LPCAT4: variants seen among roughly 807,000 people sequenced by gnomAD.
The protein encoded by LPCAT4 is lysophosphatidylcholine acyltransferase 4.
In LPCAT4, 30 loss-of-function variants were observed where a neutral mutation model predicts 66.5. The ratio of observed to expected loss-of-function variants is 0.45; its 90% CI spans 0.34 to 0.61. The LOEUF is 0.61. Ranked by LOEUF, LPCAT4 falls within the 20% of genes least tolerant of loss-of-function variation. The pLI is 0.01. For synonymous variants in LPCAT4, 253 were observed against 262.1 expected, an observed-to-expected ratio of 0.97 and a Z score of 0.34; for missense variants, 557 against 656.7, an observed-to-expected ratio of 0.85 and a Z score of 1.66.
At position 34,365,142 on chromosome 15, in the gene LPCAT4, C is replaced by G. The variant is rs754558729; in HGVS notation, c.344G>C (p.Arg115Pro). 1 of 1,614,042 alleles carries G rather than the reference C, an allele frequency of 6.2e-7. No homozygotes were observed. Among genetic ancestry groups the G allele is most frequent in the Admixed American group, 1.7e-5 (1 of 60,006 alleles). ...GFLRIRVRGQ[R>P]ASRLQAPVLV... ...GACAGGGGCTTGAAGGCGAGAGGCT[C>G]GCTGGCCACGAACGCGAATCCGGAG... The change falls in exon 3 of 14, where the codon CGA becomes CCA. Residue 115 changes from arginine to proline, a missense_variant. Coordinates refer to ENST00000314891, the MANE Select transcript of LPCAT4 (RefSeq NM_153613.3).
intron 7 of LPCAT4, 55 bp from the exon 8 acceptor site, chr15:34,362,891 T>C (rs2339434): frequency 0.7 from 1,100,768 of 1,578,608 alleles, 386,874 homozygotes; most frequent in African/African-American, 0.87. Context: ...GCTCCTTCCC[T>C]GGCTCCCACA....
intron 10 of LPCAT4, 81 bp downstream of exon 10, chr15:34,362,115 C>G: frequency 3.3e-6 from 5 of 1,517,062 alleles, no homozygotes; most frequent in African/African-American, 1.4e-5. Flanking sequence ...TTTCCTTCTT[C>G]CTTCTCATTT....
At chr15:34,366,524 G>A (rs1391182572) in intron 1 of LPCAT4, among the ~76,000 whole-genome samples, 2 of 152,050 alleles carry the variant, frequency 1.3e-5, no homozygotes, top group African/African-American at 4.8e-5. Flanking sequence ...GGAGTGGGAA[G>A]AGGGAGTGTA....
At chr15:34,361,238 A>G (rs1414780120) in intron 11 of LPCAT4, 162 bp downstream of exon 11, 1 of 1,495,520 alleles carries the variant, frequency 6.7e-7, no homozygotes, top group Admixed American at 2.3e-5. Context: ...GCCTGATTAA[A>G]AAATGAATCT....
chr15:34,365,280 C>G (rs762240926), intron 2 of LPCAT4, 52 bp from the exon 3 acceptor site: 1 of 1,532,080 alleles, frequency 6.5e-7, no homozygotes, highest in African/African-American at 1.4e-5. Context: ...AACCCTCACC[C>G]GCCCCCAGGT....
rs779805245 is a variant in LPCAT4, at chr15:34,359,251, C to A, written c.1451G>T (p.Ser484Ile). 1.9e-6 allele frequency: 3 copies of A among 1,562,168 alleles called. No individual in the cohort carries two copies. Among genetic ancestry groups the A allele is most frequent in the African/African-American group, 2.7e-5 (2 of 73,772 alleles). ...GGTGTGTGGGGGGCGCAGGTAGGTG[C>A]TGAAGAGTTTCCCATAGAGTGGGTC... ...LHDPLYGKLFSTYLRPPHTSR... is the reference protein window; with the variant it reads ...LHDPLYGKLFITYLRPPHTSR... The change falls in exon 14 of 14, where the codon AGC becomes ATC. Residue 484 changes from serine (S) to isoleucine (I), a missense_variant. Around this residue, in one of 4 missense-constraint regions of LPCAT4, gnomAD observed 392 missense variants for 473.9 expected, o/e 0.83. Coordinates refer to ENST00000314891, the MANE Select transcript of LPCAT4 (RefSeq NM_153613.3).
chr15:34,367,125 C>G lies in LPCAT4; in HGVS notation c.-25G>C. On this transcript the variant is annotated 5_prime_UTR_variant, in exon 1 of 14. Transcript: ENST00000314891. ...TGGCGGGAGAAGGTGGGAGGGAGGG[C>G]ACCCCGGCCCTGGCCCCGGCCACCA... 1 of 1,515,408 alleles carries G rather than the reference C, an allele frequency of 6.6e-7. No homozygotes were observed. The allele number at this position is 1,515,408 out of a possible 1,614,324, so 93.9% of individuals were successfully genotyped here. A position where few individuals can be genotyped will look rare whatever the true frequency, so the allele number is the denominator to read the frequency against.
intron 9 of LPCAT4, 91 bp downstream of exon 9, chr15:34,362,482 G>T (rs948602769): frequency 2.1e-6 from 3 of 1,415,200 alleles, no homozygotes; most frequent in Non-Finnish European, 2.9e-6. Context: ...CCTGCTCCTC[G>T]ATCTTTGCCT....
Position 34,363,576 on chromosome 15 carries a change from A to G in LPCAT4, c.711+85T>C. The G allele has an allele frequency of 6.2e-7, 1 of 1,600,228 alleles. No individual in the cohort carries two copies. The highest frequency in any genetic ancestry group is 8.6e-7 in the Non-Finnish European group (1 of 1,167,574). ...GGTCACAGCCCCCAATGCACATCCCATTAAAGCACCAACAGTTTTCACTTA... is the reference window on the plus strand; with the variant it reads ...GGTCACAGCCCCCAATGCACATCCCGTTAAAGCACCAACAGTTTTCACTTA... On this transcript the variant is annotated intron_variant, in intron 6 of 13. Coordinates refer to ENST00000314891, the MANE Select transcript of LPCAT4 (RefSeq NM_153613.3). The surrounding 1 kb of genome is among the most constrained non-coding windows in gnomAD (Gnocchi z 4.3).
At position 34,361,385 on chromosome 15, in the gene LPCAT4, T is replaced by C; in HGVS notation, c.1143+15A>G. 3 of 1,614,144 alleles carry C rather than the reference T, an allele frequency of 1.9e-6. No individual in the cohort carries two copies. The South Asian group carries it at 3.3e-5, about 18-fold the overall frequency. On this transcript the variant is annotated intron_variant, in intron 11 of 13. Transcript: ENST00000314891. ...AGCCTGGGTTCTGCTCTGCTCTTTG[T>C]TCCAGCTCCTTTACCTGCTGGAAGT... is the stretch of plus-strand genomic sequence containing the variant.
In LPCAT4 at chr15:34,365,620, A is replaced by G. The variant is rs750569249; in HGVS notation, c.196T>C (p.Trp66Arg). The G allele has an allele frequency of 3.3e-5, 54 of 1,614,242 alleles. No individual in the cohort carries two copies. In the Middle Eastern group the frequency reaches 1.8e-3, roughly 54 times the overall value. Residue 66 changes from tryptophan (W) to arginine (R), a missense_variant, in exon 2 of 14, where the codon TGG (tryptophan) becomes CGG (arginine). Physicochemically the swap from Trp to Arg is moderately radical, Grantham distance 101. Coordinates refer to ENST00000314891, the MANE Select transcript of LPCAT4 (RefSeq NM_153613.3). Reference sequence around the variant, plus strand: ...TCACTAAGACCGGCCACTTGAAGCCAGGCAAAGGGCCAGAGGAGAAAGAGG... The same window carrying G: ...TCACTAAGACCGGCCACTTGAAGCCGGGCAAAGGGCCAGAGGAGAAAGAGG... Reference protein sequence around the residue: ...IVLFLLWPFAWLQVAGLSEEQ... With the variant: ...IVLFLLWPFARLQVAGLSEEQ...
At position 34,359,722 on chromosome 15, in the gene LPCAT4, C is replaced by T. The variant is rs775933812; in HGVS notation, c.1266G>A (p.Glu422=). The T allele has an allele frequency of 6.2e-7, 1 of 1,613,274 alleles. No individual in the cohort carries two copies. The highest frequency in any genetic ancestry group is 8.5e-7 in the Non-Finnish European group (1 of 1,179,838). The change falls in exon 13 of 14, where the codon GAG becomes GAA. Residue 422 remains glutamate, a synonymous_variant. Coordinates refer to ENST00000314891, the MANE Select transcript of LPCAT4 (RefSeq NM_153613.3). The stretch of plus-strand genomic sequence containing the variant: ...CTTTGTACAGCAGGCGGTTGGGACC[C>T]TCTGCTTGCTCTTCAGCAAAGAGCT... ...AFELFAEEQA[E]GPNRLLYKDG... is the part of the protein sequence containing the mutation.
At chr15:34,362,130 C>G in intron 10 of LPCAT4, 66 bp downstream of exon 10, 1 of 1,384,254 alleles carries the variant, frequency 7.2e-7, no homozygotes, top group Admixed American at 2.0e-5. Flanking sequence ...TCATTTCTCC[C>G]CTTCTTATTC....
Position 34,363,320 on chromosome 15 carries a change from T to A in LPCAT4, c.746+102A>T, listed in dbSNP as rs1371088499. ...CTCTAGAGTTCTCTCAGTCCTCAGA[T>A]GAAGAAGGGCCATTCACCTTGTCGG... On this transcript the variant is annotated intron_variant, in intron 7 of 13. Transcript: ENST00000314891. The surrounding 1 kb of genome is among the most constrained non-coding windows in gnomAD (Gnocchi z 4.3). 7.9e-7 allele frequency: 1 copy of A among 1,266,910 alleles called. No individual in the cohort carries two copies. 78.5% of individuals were successfully genotyped at this position (1,266,910 alleles called of 1,614,324 possible).
At chr15:34,359,546 G>A in intron 13 of LPCAT4, 43 bp downstream of exon 13, 1 of 1,593,578 alleles carries the variant, frequency 6.3e-7, no homozygotes, top group South Asian at 1.1e-5. Context: ...GATGCTGATG[G>A]TGCCCCAAGT....
In LPCAT4 at chr15:34,365,133, CGA is replaced by C; in HGVS notation, c.351_352del (p.Arg118ProfsTer16). On this transcript the variant is annotated frameshift_variant, in exon 3 of 14. Coordinates refer to ENST00000314891, the MANE Select transcript of LPCAT4 (RefSeq NM_153613.3). LOFTEE classifies it high-confidence loss of function. ...AGCAACAAGGACAGGGGCTTGAAGG[CGA>C]GAGGCTCGCTGGCCACGAACGCGAA... 6.2e-7 allele frequency: 1 copy of C among 1,614,184 alleles called. No homozygotes were observed. Among genetic ancestry groups the C allele is most frequent in the Non-Finnish European group, 8.5e-7 (1 of 1,180,036 alleles).
Position 34,363,341 on chromosome 15 carries a change from G to C in LPCAT4, c.746+81C>G. ...CAGATGAAGAAGGGCCATTCACCTT[G>C]TCGGGAGATTGGAAGATGGGCCAGG... On this transcript the variant is annotated intron_variant, in intron 7 of 13. Coordinates refer to ENST00000314891, the MANE Select transcript of LPCAT4 (RefSeq NM_153613.3). The surrounding 1 kb of genome is among the most constrained non-coding windows in gnomAD (Gnocchi z 4.3). The C allele has an allele frequency of 6.8e-7, 1 of 1,466,720 alleles. No homozygotes were observed. Among genetic ancestry groups the C allele is most frequent in the Non-Finnish European group, 9.4e-7 (1 of 1,063,740 alleles). 90.9% of individuals were successfully genotyped at this position (1,466,720 alleles called of 1,614,324 possible).
intron 12 of LPCAT4, 80 bp from the exon 13 acceptor site, chr15:34,359,825 C>T: frequency 7.0e-7 from 1 of 1,434,200 alleles, no homozygotes; most frequent in Admixed American, 2.2e-5. Flanking sequence ...GCCTGACAGG[C>T]TCCTCCTCTT....
In LPCAT4 at chr15:34,362,838, T is replaced by G; in HGVS notation, c.747-2A>C. Reference sequence around the variant, plus strand: ...GCTGTGAGCCAGAGGACTTTGAGTCTAAGAGAAGAGAGATTTCGATACTCA... The same window carrying G: ...GCTGTGAGCCAGAGGACTTTGAGTCGAAGAGAAGAGAGATTTCGATACTCA... On this transcript the variant is annotated splice_acceptor_variant, in intron 7 of 13. Coordinates refer to ENST00000314891, the MANE Select transcript of LPCAT4 (RefSeq NM_153613.3). LOFTEE classifies it high-confidence loss of function. 1 of 1,614,114 alleles carries G rather than the reference T, an allele frequency of 6.2e-7. No individual in the cohort carries two copies. Among genetic ancestry groups the G allele is most frequent in the Non-Finnish European group, 8.5e-7 (1 of 1,179,954 alleles).
Sources: gnomAD v4.1 joint callset for allele counts (sites outside exome capture counted in the v4.1 genomes callset) on GRCh38, gnomAD v4.1.1 for gene constraint, gnomAD v4.1.1 regional missense constraint, Gnocchi (gnomAD v3.1) non-coding constraint, MANE v1.5 for transcripts, NCBI Gene and HGNC (gene_info 2026-07-23, HGNC 2026-07-21) for gene names.